MAGI1: variants seen among roughly 807,000 people sequenced by gnomAD.
MAGI1 encodes membrane-associated guanylate kinase, WW and PDZ domain-containing protein 1.
A neutral mutation model predicts 139.9 loss-of-function variants in MAGI1; 58 were observed. The observed-to-expected ratio is 0.41, with a 90% confidence interval of 0.34 to 0.52. The LOEUF is 0.52. Ranked by LOEUF, MAGI1 falls within the 20% of genes least tolerant of loss-of-function variation. The pLI, the probability that MAGI1 is intolerant of heterozygous loss-of-function variation, is 0.12. For synonymous variants in MAGI1, 812 were observed against 737.9 expected (o/e 1.10, Z -1.63); for missense variants, 1,874 against 1,901.6 (o/e 0.99, Z 0.27).
intron 1 of MAGI1, among the ~76,000 whole-genome samples, chr3:65,676,764 G>A (rs1289203937): frequency 6.6e-6 from 1 of 152,046 alleles, no homozygotes; most frequent in Non-Finnish European, 1.5e-5. Flanking sequence ...CTTTTCTCAG[G>A]AGCTTTAGAA....
chr3:65,927,863 C>T (rs2062599330), intron 1 of MAGI1, among the ~76,000 whole-genome samples: 1 of 152,056 alleles, frequency 6.6e-6, no homozygotes, highest in Admixed American at 6.6e-5. Flanking sequence ...GCCAAGCAGA[C>T]CACACCTGGC....
intron 1 of MAGI1, among the ~76,000 whole-genome samples, chr3:65,784,703 T>TCAACAA (rs148824542): frequency 4.0e-5 from 6 of 149,376 alleles, no homozygotes; most frequent in African/African-American, 1.2e-4. Context: ...AGACTCCGTC[T>TCAACAA]CAACAACAAC....
chr3:65,608,098 A>C (rs867099472), intron 2 of MAGI1, among the ~76,000 whole-genome samples: 8 of 152,246 alleles, frequency 5.3e-5, no homozygotes, highest in Non-Finnish European at 1.2e-4. Context: ...ATCAAAATTT[A>C]AAACCCAGTT....
intron 2 of MAGI1, among the ~76,000 whole-genome samples, chr3:65,508,152 C>T (rs886403015): frequency 6.6e-6 from 1 of 152,050 alleles, no homozygotes; most frequent in East Asian, 1.9e-4. Flanking sequence ...GCCTGTAATC[C>T]CAGCACTTTG....
chr3:65,902,027 G>T (rs564018913), intron 1 of MAGI1, among the ~76,000 whole-genome samples: 4 of 152,022 alleles, frequency 2.6e-5, no homozygotes, highest in Admixed American at 1.3e-4. Flanking sequence ...TTTATTAAAC[G>T]CTAAGGAATG....
chr3:65,938,642 G>A (rs1010770175), intron 1 of MAGI1, among the ~76,000 whole-genome samples: 1 of 152,148 alleles, frequency 6.6e-6, no homozygotes, highest in Non-Finnish European at 1.5e-5. Flanking sequence ...AAAGTATCAA[G>A]CATGCACCTC....
At chr3:65,958,151 C>G (rs1179920998) in intron 1 of MAGI1, among the ~76,000 whole-genome samples, 1 of 152,146 alleles carries the variant, frequency 6.6e-6, no homozygotes, top group African/African-American at 2.4e-5. Context: ...AATGACCTCC[C>G]TCTCCTTCCC....
At chr3:65,831,978 T>C (rs746878671) in intron 1 of MAGI1, among the ~76,000 whole-genome samples, 6 of 152,348 alleles carry the variant, frequency 3.9e-5, no homozygotes, top group East Asian at 1.9e-4. Flanking sequence ...GCCTTTCATA[T>C]TGCGCCAATA....
chr3:65,900,817 A>C lies in MAGI1; in HGVS notation c.313+137179T>G, dbSNP rs138522022. On this transcript the variant is annotated intron_variant, in intron 1 of 22. Coordinates refer to ENST00000402939, the MANE Select transcript of MAGI1 (RefSeq NM_001033057.2). ...TCTGACCTATTATGAACCATTGAGA[A>C]TCCTTCTCCCTGGTATTTACAATCA... 3.9e-5 allele frequency among the ~76,000 whole-genome samples: 6 copies of C among 152,296 alleles called. No individual in the cohort carries two copies. The East Asian group carries it at 5.8e-4, about 15-fold the overall frequency.
rs1280776076 is a variant in MAGI1 at position 65,953,450 on chromosome 3, G to C, written c.313+84546C>G. 9.8e-5 allele frequency among the ~76,000 whole-genome samples: 15 copies of C among 152,304 alleles called. No individual in the cohort carries two copies. The East Asian group carries it at 2.9e-3, about 29-fold the overall frequency. ...TCAACTTCACCTCCCCAGCCTGAGA[G>C]CGATTACACACATACTTGGGATTTA... On this transcript the variant is annotated intron_variant, in intron 1 of 22. Coordinates refer to ENST00000402939, the MANE Select transcript of MAGI1 (RefSeq NM_001033057.2).
intron 1 of MAGI1, among the ~76,000 whole-genome samples, chr3:65,894,913 G>C (rs1033977967): frequency 6.6e-6 from 1 of 152,200 alleles, no homozygotes; most frequent in Non-Finnish European, 1.5e-5. Flanking sequence ...TTATGAAAAT[G>C]TGCAATATGA....
At chr3:65,590,770 C>T (rs911259029) in intron 2 of MAGI1, among the ~76,000 whole-genome samples, 32 of 152,282 alleles carry the variant, frequency 2.1e-4, no homozygotes, top group African/African-American at 7.5e-4. Flanking sequence ...TAAATTCCTA[C>T]ATCTTCCAGA....
rs56367932 is a variant in MAGI1 at position 65,782,613 on chromosome 3, CAAAAAAAA to C, written c.314-160533_314-160526del. ...TTTTAAAGTATATGGATTTCTTAAG[CAAAAAAAA>C]AAAAAAAAAAAAAAAAAAAGTTAGA... On this transcript the variant is annotated intron_variant, in intron 1 of 22. Transcript: ENST00000402939. 2.9e-3 allele frequency among the ~76,000 whole-genome samples: 176 copies of C among 60,570 alleles called. 3 individuals are homozygous for C. In the East Asian group the frequency reaches 0.062, roughly 21 times the overall value. The allele number at this position is 60,570 out of a possible 152,430, so 39.7% of individuals were successfully genotyped here.
At chr3:65,830,686 A>G (rs2042474632) in intron 1 of MAGI1, among the ~76,000 whole-genome samples, 1 of 152,192 alleles carries the variant, frequency 6.6e-6, no homozygotes, top group African/African-American at 2.4e-5. Flanking sequence ...AATCTGTTAG[A>G]CAGATTTTAA....
chr3:65,510,422 T>G (rs1275712463), intron 2 of MAGI1, among the ~76,000 whole-genome samples: 1 of 148,424 alleles, frequency 6.7e-6, no homozygotes, highest in East Asian at 2.0e-4. Context: ...TTTAGAAGAA[T>G]GTATAACTAG....
intron 1 of MAGI1, among the ~76,000 whole-genome samples, chr3:65,809,570 A>G (rs989913118): frequency 6.6e-6 from 1 of 152,202 alleles, no homozygotes; most frequent in African/African-American, 2.4e-5. Context: ...ACCATCCTGC[A>G]GAAATCCTGA....
At position 65,995,767 on chromosome 3, in the gene MAGI1, T is replaced by A. The variant is rs563926047; in HGVS notation, c.313+42229A>T. ...TAATTATTCAGTGCATTCATTTCTA[T>A]CCTCCTCAACAGCTATCTAAGTCTG... On this transcript the variant is annotated intron_variant, in intron 1 of 22. Transcript: ENST00000402939. 4.6e-5 allele frequency among the ~76,000 whole-genome samples: 7 copies of A among 152,104 alleles called. No homozygotes were observed. The East Asian group carries it at 7.7e-4, about 17-fold the overall frequency.
At chr3:65,536,902 T>C (rs555736052) in intron 2 of MAGI1, among the ~76,000 whole-genome samples, 2 of 152,324 alleles carry the variant, frequency 1.3e-5, no homozygotes, top group East Asian at 3.9e-4. Flanking sequence ...GACAGATTGC[T>C]AACATGGTTT....
intron 2 of MAGI1, among the ~76,000 whole-genome samples, chr3:65,497,738 A>C (rs1236130649): frequency 6.6e-6 from 1 of 152,176 alleles, no homozygotes; most frequent in Non-Finnish European, 1.5e-5. Flanking sequence ...AAAGACAACA[A>C]TCACCCTGGG....
Sources: allele counts gnomAD v4.1 joint callset (sites outside exome capture counted in the v4.1 genomes callset), GRCh38; gene constraint gnomAD v4.1.1; transcripts MANE v1.5; gene names NCBI Gene and HGNC (gene_info 2026-07-23, HGNC 2026-07-21).